The following PRRC2A variants were observed in gnomAD, a reference collection of about 807,000 sequenced individuals.
PRRC2A encodes proline rich coiled-coil 2A, also known as protein PRRC2A.
Under a neutral mutation model 224.6 loss-of-function variants are expected in PRRC2A, and 59 were observed. The ratio of observed to expected loss-of-function variants is 0.26; its 90% CI spans 0.21 to 0.33. PRRC2A has a LOEUF of 0.33. Among genes scored for constraint, PRRC2A ranks in the 10% least tolerant of loss-of-function variants. PRRC2A has a pLI of 1.00. For synonymous variants in PRRC2A, 1,194 were observed against 1,109.5 expected (o/e 1.08, Z -1.51); for missense variants, 3,095 against 2,880.7 (o/e 1.07, Z -1.70).
In PRRC2A at chr6:31,630,619, T is replaced by G. The variant is rs755656796; in HGVS notation, c.2283T>G (p.Ser761Arg). Residue 761 changes from serine to arginine, a missense_variant, in exon 15 of 31, where the codon AGT (serine) becomes AGG (arginine). Ser to Arg is a moderately radical substitution (Grantham distance 110). Around this residue, in one of 8 missense-constraint regions of PRRC2A, gnomAD observed 2,001 missense variants for 1,764.9 expected, o/e 1.13. Transcript: ENST00000376033. ...SGLVPRERSD[S>R]GGSSSEPFDR... ...TAGTTCCCCGAGAGCGTTCAGACAGTGGGGGCTCAAGCTCAGAGCCATTTG... is the reference window on the plus strand; with the variant it reads ...TAGTTCCCCGAGAGCGTTCAGACAGGGGGGGCTCAAGCTCAGAGCCATTTG... The G allele has an allele frequency of 6.2e-7, 1 of 1,613,734 alleles. No homozygotes were observed. The highest frequency in any genetic ancestry group is 8.5e-7 in the Non-Finnish European group (1 of 1,179,880).
At position 31,628,256 on chromosome 6, in the gene PRRC2A, A is replaced by G. The variant is rs759369282; in HGVS notation, c.1765+17A>G. On this transcript the variant is annotated intron_variant, in intron 12 of 30. Transcript: ENST00000376033. ...CCAGCCCAGGTATGGAGATGGGGAT[A>G]GGTACTACCAGATGTCAGATCACTG... is the stretch of plus-strand genomic sequence containing the variant. 45 of 1,594,526 alleles carry G rather than the reference A, an allele frequency of 2.8e-5. No homozygotes were observed. The highest frequency in any genetic ancestry group is 3.7e-5 in the Non-Finnish European group (43 of 1,172,596).
Position 31,636,331 on chromosome 6 carries a change from C to T in PRRC2A, c.5747C>T (p.Pro1916Leu), listed in dbSNP as rs748723280. The T allele has an allele frequency of 9.3e-6, 15 of 1,613,014 alleles. No individual in the cohort carries two copies. Among genetic ancestry groups the T allele is most frequent in the East Asian group, 2.2e-5 (1 of 44,886 alleles). ...CAAGCTACAGAGCTGGGGAAGTTGC[C>T]GGCTGGAGGAGTTCTCTACCCTCCA... Reference protein sequence around the residue: ...TMQATELGKLPAGGVLYPPPS... With the variant: ...TMQATELGKLLAGGVLYPPPS... The change falls in exon 26 of 31, where the codon CCG becomes CTG. Residue 1916 changes from proline (P) to leucine (L), a missense_variant. By Grantham distance (98) the Pro-to-Leu change is moderately conservative. This residue lies in a region of PRRC2A where 662 missense variants were observed against 609.5 expected (regional missense o/e 1.09). Transcript: ENST00000376033. This position sits in a 1 kb window ranked among gnomAD's most constrained non-coding sequence, Gnocchi z 4.3.
chr6:31,624,150 T>G, intron 3 of PRRC2A, 111 bp from the exon 4 acceptor site: 1 of 1,199,558 alleles, frequency 8.3e-7, no homozygotes. Context: ...AATTTGTCCT[T>G]ATATTTGTAA....
At position 31,634,574 on chromosome 6, in the gene PRRC2A, G is replaced by C; in HGVS notation, c.4935+17G>C. Reference sequence around the variant, plus strand: ...GGCACAGAAGTGAGTGAGGGTGGGAGGGTGTGTCTGAGCTGGGACTTTTTT... The same window carrying C: ...GGCACAGAAGTGAGTGAGGGTGGGACGGTGTGTCTGAGCTGGGACTTTTTT... On this transcript the variant is annotated intron_variant, in intron 20 of 30. Transcript: ENST00000376033. 6.2e-7 allele frequency: 1 copy of C among 1,608,090 alleles called. No homozygotes were observed. The highest frequency in any genetic ancestry group is 8.5e-7 in the Non-Finnish European group (1 of 1,177,674).
At chr6:31,633,154 C>T (rs1013062121) in intron 16 of PRRC2A, among the ~76,000 whole-genome samples, 162 bp downstream of exon 16, 4 of 152,090 alleles carry the variant, frequency 2.6e-5, no homozygotes, top group South Asian at 2.1e-4. Flanking sequence ...AACTGGAAAG[C>T]GGTTGGTAGG....
In PRRC2A at chr6:31,627,189, G is replaced by A; in HGVS notation, c.1281G>A (p.Gly427=). Residue 427 remains glycine, a synonymous_variant, in exon 11 of 31, where the codon GGG becomes GGA. Transcript: ENST00000376033. This position sits in a 1 kb window ranked among gnomAD's most constrained non-coding sequence, Gnocchi z 5.6. ...RGPAGNWGPP[G]DYPDRGGPPC... ...CCGCCGGGAACTGGGGCCCCCCTGG[G>A]GACTACCCAGTGAGTGTCTCCAATA... 1 of 1,602,878 alleles carries A rather than the reference G, an allele frequency of 6.2e-7. No homozygotes were observed. Among genetic ancestry groups the A allele is most frequent in the Non-Finnish European group, 8.5e-7 (1 of 1,171,194 alleles).
chr6:31,627,042 C>G lies in PRRC2A; in HGVS notation c.1134C>G (p.Gly378=). 1.9e-6 allele frequency: 3 copies of G among 1,614,216 alleles called. No homozygotes were observed. The highest frequency in any genetic ancestry group is 2.5e-6 in the Non-Finnish European group (3 of 1,180,036). The change falls in exon 11 of 31, where the codon GGC becomes GGG. Residue 378 remains glycine (G), a synonymous_variant. Coordinates refer to ENST00000376033, the MANE Select transcript of PRRC2A (RefSeq NM_004638.4). The surrounding 1 kb of genome is among the most constrained non-coding windows in gnomAD (Gnocchi z 5.6). ...CCCCTGAAGCAGATGGCAAAAAGGG[C>G]AACTCCCCCAACAGCGAACCGCCCA... ...ERPPEADGKK[G]NSPNSEPPTP... is the part of the protein sequence containing the mutation.
chr6:31,634,797 G>A lies in PRRC2A; in HGVS notation c.4980G>A (p.Gln1660=), dbSNP rs1359919177. 1 of 1,612,702 alleles carries A rather than the reference G, an allele frequency of 6.2e-7. No homozygotes were observed. Among genetic ancestry groups the A allele is most frequent in the African/African-American group, 1.3e-5 (1 of 74,884 alleles). Residue 1660 remains glutamine, a synonymous_variant, in exon 21 of 31, where the codon CAG becomes CAA. Transcript: ENST00000376033. Reference sequence around the variant, plus strand: ...GGGTGGACCTGAGTGGGGATTCTCAGGTGTCATCAGGTCCCTGCAGCCAGC... The same window carrying A: ...GGGTGGACCTGAGTGGGGATTCTCAAGTGTCATCAGGTCCCTGCAGCCAGC... The part of the protein sequence containing the change: ...DSGVDLSGDS[Q]VSSGPCSQRS...
intron 29 of PRRC2A, 37 bp downstream of exon 29, chr6:31,637,173 T>A: frequency 6.2e-7 from 1 of 1,608,182 alleles, no homozygotes; most frequent in Non-Finnish European, 8.5e-7. Context: ...TCCAAGTGCT[T>A]CCTTACTTTG....
rs1775803879 is a variant in PRRC2A at position 31,625,512 on chromosome 6, C to T, written c.660C>T (p.Gly220=). 6.3e-7 allele frequency: 1 copy of T among 1,582,680 alleles called. No homozygotes were observed. The highest frequency in any genetic ancestry group is 1.3e-5 in the African/African-American group (1 of 74,294). The change falls in exon 7 of 31, where the codon GGC becomes GGT. Residue 220 remains glycine (G), a synonymous_variant. Coordinates refer to ENST00000376033, the MANE Select transcript of PRRC2A (RefSeq NM_004638.4). This position sits in a 1 kb window ranked among gnomAD's most constrained non-coding sequence, Gnocchi z 4.1. ...GGCGTGGCCCTGATGAGCTGGAGGGCCCGGACTCCAAACTTCATCATGGTC... is the reference window on the plus strand; with the variant it reads ...GGCGTGGCCCTGATGAGCTGGAGGGTCCGGACTCCAAACTTCATCATGGTC... ...GGGRGPDELE[G]PDSKLHHGHD...
In PRRC2A at chr6:31,636,902, C is replaced by T. The variant is rs1777421107; in HGVS notation, c.6104C>T (p.Pro2035Leu). 1 of 1,613,042 alleles carries T rather than the reference C, an allele frequency of 6.2e-7. No individual in the cohort carries two copies. The highest frequency in any genetic ancestry group is 1.3e-5 in the African/African-American group (1 of 75,050). Residue 2035 changes from proline (P) to leucine (L), a missense_variant, in exon 28 of 31, where the codon CCT becomes CTT. Physicochemically the swap from Pro to Leu is moderately conservative, Grantham distance 98 (BLOSUM62 -3). Coordinates refer to ENST00000376033, the MANE Select transcript of PRRC2A (RefSeq NM_004638.4). The surrounding 1 kb of genome is among the most constrained non-coding windows in gnomAD (Gnocchi z 4.3). ...CCTGCTCCTGCTACTCGGGTGCTGC[C>T]TTCACCTGCCAGGCCCTTCCCCGCT... ...PPPAPATRVL[P>L]SPARPFPASL...
chr6:31,621,937 T>C (rs1345757190), intron 1 of PRRC2A, among the ~76,000 whole-genome samples: 4 of 152,220 alleles, frequency 2.6e-5, no homozygotes, highest in African/African-American at 9.6e-5. Context: ...TGGCCCATGG[T>C]TACAGGGTGC....
In PRRC2A at chr6:31,629,265, C is replaced by T. The variant is rs372137356; in HGVS notation, c.1887C>T (p.Pro629=). 1.2e-6 allele frequency: 2 copies of T among 1,609,308 alleles called. No homozygotes were observed. Among genetic ancestry groups the T allele is most frequent in the Non-Finnish European group, 1.7e-6 (2 of 1,177,756 alleles). The change falls in exon 13 of 31, where the codon CCC becomes CCT. Residue 629 remains proline, a synonymous_variant. Coordinates refer to ENST00000376033, the MANE Select transcript of PRRC2A (RefSeq NM_004638.4). ...ATGGGATTGGTCCCACCCGCCAGCC[C>T]CCTAGTCAGGGCTTGGGCTACCCCA... ...KGDGIGPTRQ[P]PSQGLGYPKY...
At position 31,635,617 on chromosome 6, in the gene PRRC2A, C is replaced by T. The variant is rs1777243751; in HGVS notation, c.5409C>T (p.Pro1803=). ...IPVSRDWELL[P]SAAASAEPQS... is the part of the protein sequence containing the mutation. Reference sequence around the variant, plus strand: ...TATCACGAGACTGGGAGCTGCTTCCCAGTGCTGCTGCCTCTGCTGAGCCAC... The same window carrying T: ...TATCACGAGACTGGGAGCTGCTTCCTAGTGCTGCTGCCTCTGCTGAGCCAC... The change falls in exon 24 of 31, where the codon CCC becomes CCT. Residue 1803 remains proline, a synonymous_variant. Coordinates refer to ENST00000376033, the MANE Select transcript of PRRC2A (RefSeq NM_004638.4). 6.2e-7 allele frequency: 1 copy of T among 1,612,308 alleles called. No homozygotes were observed. Among genetic ancestry groups the T allele is most frequent in the Non-Finnish European group, 8.5e-7 (1 of 1,179,616 alleles).
At chr6:31,628,275 A>G (rs1325614440) in intron 12 of PRRC2A, 36 bp downstream of exon 12, 16 of 1,579,098 alleles carry the variant, frequency 1.0e-5, no homozygotes, top group Non-Finnish European at 1.4e-5. Flanking sequence ...CAGATGTCAG[A>G]TCACTGCTTC....
At chr6:31,624,683 T>G (rs563286794) in intron 5 of PRRC2A, among the ~76,000 whole-genome samples, 161 bp downstream of exon 5, 5 of 152,348 alleles carry the variant, frequency 3.3e-5, no homozygotes, top group Admixed American at 3.3e-4. Context: ...AGTCTCAGTC[T>G]TATATGATGG....
chr6:31,636,428 G>T lies in PRRC2A; in HGVS notation c.5835+9G>T, dbSNP rs1236485783. ...ACACATCGTTGCTTCAGGTAAGAGG[G>T]GGGCAGGTATTAGATATTGGGGGAT... On this transcript the variant is annotated intron_variant, in intron 26 of 30. Transcript: ENST00000376033. The surrounding 1 kb of genome is among the most constrained non-coding windows in gnomAD (Gnocchi z 4.3). 3 of 1,612,816 alleles carry T rather than the reference G, an allele frequency of 1.9e-6. No homozygotes were observed. Among genetic ancestry groups the T allele is most frequent in the Admixed American group, 3.3e-5 (2 of 60,014 alleles).
At chr6:31,635,788 T>A in intron 24 of PRRC2A, 39 bp downstream of exon 24, 1 of 1,541,128 alleles carries the variant, frequency 6.5e-7, no homozygotes, top group Non-Finnish European at 8.7e-7. Context: ...CTTCAGTGAA[T>A]AATAATTTTT....
chr6:31,626,531 T>C (rs1018376925), intron 9 of PRRC2A, among the ~76,000 whole-genome samples: 1 of 150,998 alleles, frequency 6.6e-6, no homozygotes, highest in African/African-American at 2.4e-5. Context: ...AACTCCATCC[T>C]GGGCAACAGA....
Sources: allele counts gnomAD v4.1 joint callset (sites outside exome capture counted in the v4.1 genomes callset), GRCh38; gene constraint gnomAD v4.1.1; regional missense constraint gnomAD v4.1.1; non-coding constraint Gnocchi (gnomAD v3.1); transcripts MANE v1.5; gene names NCBI Gene and HGNC (gene_info 2026-07-23, HGNC 2026-07-21).